Variants in IL1RAPL2 observed in about 807,000 individuals in gnomAD.
IL1RAPL2 encodes the protein X-linked interleukin-1 receptor accessory protein-like 2.
A neutral mutation model predicts 44.1 loss-of-function variants in IL1RAPL2; 3 were observed. The ratio of observed to expected loss-of-function variants is 0.07; its 90% CI spans 0.03 to 0.18. The LOEUF is 0.18. IL1RAPL2 is among the 10% of genes least tolerant of loss of function. IL1RAPL2 has a pLI of 1.00. For missense variants in IL1RAPL2, 391 were observed against 496.4 expected, an observed-to-expected ratio of 0.79 and a Z score of 2.02; for synonymous variants, 181 against 178.8, an observed-to-expected ratio of 1.01 and a Z score of -0.10.
chrX:105,126,843 A>G (rs1272979806), intron 2 of IL1RAPL2, among the ~76,000 whole-genome samples: 3 of 111,127 alleles, frequency 2.7e-5, no homozygotes, highest in Admixed American at 9.6e-5. Flanking sequence ...AACAAATGTA[A>G]TCAGGCAACA....
chrX:105,156,931 C>T (rs1243879244), intron 2 of IL1RAPL2, among the ~76,000 whole-genome samples: 2 of 110,288 alleles, frequency 1.8e-5, no homozygotes, highest in Admixed American at 1.9e-4. Context: ...ACTCTCTCTC[C>T]TATGACTATA....
intron 4 of IL1RAPL2, among the ~76,000 whole-genome samples, chrX:105,236,812 C>T (rs1341791923): frequency 9.0e-6 from 1 of 110,705 alleles, no homozygotes; most frequent in East Asian, 2.8e-4. Context: ...ACTTTATAGC[C>T]CATGTATTTT....
At position 105,397,437 on chromosome X, in the gene IL1RAPL2, G is replaced by A. The variant is rs1314189121; in HGVS notation, c.698-86876G>A. 3.6e-5 allele frequency among the ~76,000 whole-genome samples: 4 copies of A among 110,030 alleles called. No homozygotes were observed. The East Asian group carries it at 8.7e-4, about 24-fold the overall frequency. On this transcript the variant is annotated intron_variant, in intron 5 of 10. Transcript: ENST00000372582. ...GTGGCAGTACATTAAGGAGTAAATT[G>A]GAATAAATAAATGGAATTTTTAGCT...
At chrX:104,903,972 G>A (rs1024120021) in intron 2 of IL1RAPL2, among the ~76,000 whole-genome samples, 1 of 111,773 alleles carries the variant, frequency 8.9e-6, no homozygotes, top group Non-Finnish European at 1.9e-5. Flanking sequence ...GTCAAAGCAG[G>A]ATTAAAACTC....
intron 5 of IL1RAPL2, among the ~76,000 whole-genome samples, chrX:105,371,392 C>CGTAAAA (rs2035339431): frequency 9.0e-6 from 1 of 111,275 alleles, no homozygotes; most frequent in African/African-American, 3.3e-5. Context: ...TTTAATCCAT[C>CGTAAAA]TCGAGTTGAT....
At chrX:104,854,885 T>A (rs1246388336) in intron 2 of IL1RAPL2, among the ~76,000 whole-genome samples, 1 of 111,480 alleles carries the variant, frequency 9.0e-6, no homozygotes, top group Non-Finnish European at 1.9e-5. Flanking sequence ...TTTCCTTAAA[T>A]TGGCGTGGTT....
chrX:104,767,455 A>G (rs1213311283), intron 2 of IL1RAPL2, among the ~76,000 whole-genome samples: 4 of 111,734 alleles, frequency 3.6e-5, no homozygotes, highest in Non-Finnish European at 7.5e-5. Flanking sequence ...TGCTGACACA[A>G]TCTCATGAAT....
chrX:104,813,429 G>A (rs937047345), intron 2 of IL1RAPL2, among the ~76,000 whole-genome samples: 4 of 111,272 alleles, frequency 3.6e-5, no homozygotes, highest in Non-Finnish European at 7.5e-5. Context: ...TCAGCTTTGA[G>A]CATTCATTGA....
At chrX:105,128,165 A>G (rs2032992662) in intron 2 of IL1RAPL2, among the ~76,000 whole-genome samples, 1 of 110,355 alleles carries the variant, frequency 9.1e-6, no homozygotes, top group Admixed American at 9.7e-5. Context: ...CTCCTTTTTT[A>G]TGTCCCTGGG....
At chrX:105,181,334 T>A (rs1490492246) in intron 2 of IL1RAPL2, among the ~76,000 whole-genome samples, 2 of 111,964 alleles carry the variant, frequency 1.8e-5, no homozygotes, top group Non-Finnish European at 3.8e-5. Flanking sequence ...TCTGTTCTGA[T>A]CTTTTTATTT....
intron 2 of IL1RAPL2, among the ~76,000 whole-genome samples, chrX:105,037,179 C>T (rs180914192): frequency 2.4e-3 from 266 of 111,641 alleles, no homozygotes; most frequent in Non-Finnish European, 4.2e-3. Flanking sequence ...GGATGATGCT[C>T]ATTATCTTGA....
At chrX:105,354,723 T>G (rs190455022) in intron 5 of IL1RAPL2, among the ~76,000 whole-genome samples, 3 of 111,614 alleles carry the variant, frequency 2.7e-5, no homozygotes, top group Non-Finnish European at 5.7e-5. Context: ...TTGCAGTTGT[T>G]CTTTACCCTA....
intron 2 of IL1RAPL2, among the ~76,000 whole-genome samples, chrX:104,772,390 C>T (rs1932654524): frequency 8.9e-6 from 1 of 112,161 alleles, no homozygotes; most frequent in African/African-American, 3.2e-5. Flanking sequence ...TATCTTTTAA[C>T]AAGTGATGTT....
intron 1 of IL1RAPL2, among the ~76,000 whole-genome samples, chrX:104,633,786 A>T (rs1380258428): frequency 9.0e-6 from 1 of 111,025 alleles, no homozygotes; most frequent in African/African-American, 3.3e-5. Flanking sequence ...TAGTTTCAAA[A>T]AACCAGCCCC....
intron 2 of IL1RAPL2, among the ~76,000 whole-genome samples, chrX:104,958,327 G>C (rs1008969060): frequency 5.4e-4 from 58 of 108,088 alleles, no homozygotes; most frequent in African/African-American, 1.9e-3. Context: ...TAGGCCCCAG[G>C]TATCCAGAGT....
intron 2 of IL1RAPL2, among the ~76,000 whole-genome samples, chrX:104,979,410 A>G (rs764675733): frequency 9.0e-6 from 1 of 111,282 alleles, no homozygotes; most frequent in South Asian, 3.8e-4. Context: ...TGAGATGCAA[A>G]CTCTAGAAAC....
rs181770171 is a variant in IL1RAPL2 at position 104,651,571 on chromosome X, C to T, written c.-19-7324C>T. 1.3e-4 allele frequency among the ~76,000 whole-genome samples: 14 copies of T among 111,520 alleles called. No individual in the cohort carries two copies. The East Asian group carries it at 3.7e-3, about 29-fold the overall frequency. On this transcript the variant is annotated intron_variant, in intron 1 of 10. Transcript: ENST00000372582. ...ACACTGTCAGCTTTCAGACAGAAAT[C>T]GTGAAGGTACAATCATAGATAGAAT...
chrX:105,754,111 T>C (rs2038617806), intron 9 of IL1RAPL2, among the ~76,000 whole-genome samples: 2 of 112,503 alleles, frequency 1.8e-5, no homozygotes, highest in African/African-American at 6.5e-5. Context: ...ATAGAAAATA[T>C]TGATGTGTTT....
chrX:105,554,921 T>G (rs984608072), intron 6 of IL1RAPL2, among the ~76,000 whole-genome samples: 38 of 110,647 alleles, frequency 3.4e-4, no homozygotes, highest in African/African-American at 1.2e-3. Context: ...TAGGTAAGCA[T>G]GACATTTATT....
Sources: allele counts gnomAD v4.1 joint callset (sites outside exome capture counted in the v4.1 genomes callset), GRCh38; gene constraint gnomAD v4.1.1; transcripts MANE v1.5; gene names NCBI Gene and HGNC (gene_info 2026-07-23, HGNC 2026-07-21).